The following SIAE variants were observed in gnomAD, a reference collection of about 807,000 sequenced individuals.
SIAE encodes sialate O-acetylesterase.
Under a neutral mutation model 52.6 loss-of-function variants are expected in SIAE, and 39 were observed. The observed-to-expected ratio is 0.74, with a 90% confidence interval of 0.57 to 0.97. SIAE has a LOEUF of 0.97. SIAE is among the 50% of genes least tolerant of loss of function. SIAE has a pLI of 0.00. For synonymous variants in SIAE, 233 were observed against 241.4 expected, an observed-to-expected ratio of 0.97 and a Z score of 0.32; for missense variants, 592 against 662.1, an observed-to-expected ratio of 0.89 and a Z score of 1.16.
intron 2 of SIAE, among the ~76,000 whole-genome samples, chr11:124,667,837 T>A (rs1943294554): frequency 6.6e-6 from 1 of 152,144 alleles, no homozygotes. Flanking sequence ...GACTCACTCC[T>A]TTGTAATATC....
At chr11:124,637,826 TAGC>T (rs1307707744) in intron 9 of SIAE, among the ~76,000 whole-genome samples, 3 of 152,172 alleles carry the variant, frequency 2.0e-5, no homozygotes, top group East Asian at 1.9e-4. Context: ...ACTTCAGAAA[TAGC>T]AGCCCTAGAC....
intron 1 of SIAE, among the ~76,000 whole-genome samples, chr11:124,672,729 T>C (rs1333772232): frequency 2.6e-5 from 4 of 152,172 alleles, no homozygotes; most frequent in South Asian, 2.1e-4. Flanking sequence ...TTTTGCACTT[T>C]TGTTAGACTC....
rs1281640335 is a variant in SIAE at position 124,636,803 on chromosome 11, A to C, written c.*148T>G. Reference sequence around the variant, plus strand: ...TACCTATAAGCCTGGGCTCATCAGAATATAGAAACAGCCATGTGCTAGCTG... The same window carrying C: ...TACCTATAAGCCTGGGCTCATCAGACTATAGAAACAGCCATGTGCTAGCTG... On this transcript the variant is annotated 3_prime_UTR_variant, in exon 10 of 10. Coordinates refer to ENST00000263593, the MANE Select transcript of SIAE (RefSeq NM_170601.5). 30 of 1,151,564 alleles carry C rather than the reference A, an allele frequency of 2.6e-5. No individual in the cohort carries two copies. Among genetic ancestry groups the C allele is most frequent in the Non-Finnish European group, 3.6e-5 (28 of 779,546 alleles). The allele number at this position is 1,151,564 out of a possible 1,614,324, so 71.3% of individuals were successfully genotyped here.
chr11:124,649,683 C>T lies in SIAE; in HGVS notation c.658G>A (p.Gly220Arg), dbSNP rs376617224. ...PIGLIASSWG[G>R]TPIEAWSSGR... The stretch of plus-strand genomic sequence containing the variant: ...GATGACCAGGCTTCAATGGGTGTCC[C>T]GCCCCAGCTGGAGGCGATCAGCCCG... Residue 220 changes from glycine to arginine, a missense_variant, in exon 5 of 10, where the codon GGG becomes AGG. By Grantham distance (125) the Gly-to-Arg change is moderately radical. Transcript: ENST00000263593. 1.5e-5 allele frequency: 24 copies of T among 1,614,038 alleles called. No homozygotes were observed. Among genetic ancestry groups the T allele is most frequent in the South Asian group, 1.2e-4 (11 of 91,082 alleles).
chr11:124,656,529 T>C (rs189573717), intron 3 of SIAE, among the ~76,000 whole-genome samples: 3 of 152,168 alleles, frequency 2.0e-5, no homozygotes, highest in Admixed American at 2.0e-4. Flanking sequence ...ATGAGAGGAG[T>C]GGCTTAGGGT....
chr11:124,664,415 T>G (rs1379911100), intron 2 of SIAE, among the ~76,000 whole-genome samples: 1 of 152,070 alleles, frequency 6.6e-6, no homozygotes, highest in African/African-American at 2.4e-5. Context: ...TTTTGTATTT[T>G]AGTAGAGACG....
At position 124,635,514 on chromosome 11, in the gene SIAE, A is replaced by AAAG. The variant is rs1438348164; in HGVS notation, c.*1434_*1436dup. ...TATAAATTTCATTTTCACACAGTAA[A>AAAG]AAGTTCCTAAATTGGGGGAAACATA... On this transcript the variant is annotated 3_prime_UTR_variant, in exon 10 of 10. Transcript: ENST00000263593. 2 of 152,224 alleles carry AAAG rather than the reference A, an allele frequency of 1.3e-5. No homozygotes were observed. The highest frequency in any genetic ancestry group is 3.8e-4 in the East Asian group (2 of 5,204). The allele number at this position is 152,224 out of a possible 1,614,324, so 9.4% of individuals were successfully genotyped here. A position where few individuals can be genotyped will look rare whatever the true frequency, so the allele number is the denominator to read the frequency against.
chr11:124,673,710 C>G lies in SIAE; in HGVS notation c.-2G>C, dbSNP rs1163470149. 1.9e-6 allele frequency: 3 copies of G among 1,613,516 alleles called. No individual in the cohort carries two copies. The highest frequency in any genetic ancestry group is 2.5e-6 in the Non-Finnish European group (3 of 1,179,762). On this transcript the variant is annotated 5_prime_UTR_variant, in exon 1 of 10. Coordinates refer to ENST00000263593, the MANE Select transcript of SIAE (RefSeq NM_170601.5). ...GAGTACAAGCCCCGGCGCGACCATG[C>G]TTGCAAGGATCTGACCGCCGCCTAG...
chr11:124,656,168 T>G (rs1943095737), intron 3 of SIAE, among the ~76,000 whole-genome samples: 1 of 152,214 alleles, frequency 6.6e-6, no homozygotes, highest in South Asian at 2.1e-4. Context: ...TCTGAAACAC[T>G]TCCAATCTCA....
chr11:124,648,325 A>C, intron 5 of SIAE, 150 bp from the exon 6 acceptor site: 1 of 677,792 alleles, frequency 1.5e-6, no homozygotes, highest in Non-Finnish European at 2.7e-6. Flanking sequence ...TTTTTCTTGA[A>C]AACATATGAA....
At position 124,635,260 on chromosome 11, in the gene SIAE, T is replaced by C. The variant is rs1361544100; in HGVS notation, c.*1691A>G. On this transcript the variant is annotated 3_prime_UTR_variant, in exon 10 of 10. Coordinates refer to ENST00000263593, the MANE Select transcript of SIAE (RefSeq NM_170601.5). ...CATGGTTTCTATGGGGCCAGATGCA[T>C]GAGAGGTCAAAGCATGGGCAATAGG... 1 of 152,216 alleles carries C rather than the reference T, an allele frequency of 6.6e-6. No individual in the cohort carries two copies. Among genetic ancestry groups the C allele is most frequent in the Admixed American group, 6.5e-5 (1 of 15,286 alleles). The allele number at this position is 152,216 out of a possible 1,614,324, so 9.4% of individuals were successfully genotyped here. A position where few individuals can be genotyped will look rare whatever the true frequency, so the allele number is the denominator to read the frequency against.
chr11:124,655,982 C>T, intron 3 of SIAE, among the ~76,000 whole-genome samples: 1 of 140,838 alleles, frequency 7.1e-6, no homozygotes, highest in South Asian at 2.1e-4. Flanking sequence ...ATACTTCAGA[C>T]AAATTTTGTT....
At chr11:124,644,133 T>C (rs1382925301) in intron 7 of SIAE, among the ~76,000 whole-genome samples, 2 of 152,140 alleles carry the variant, frequency 1.3e-5, no homozygotes, top group East Asian at 1.9e-4. Context: ...AATTCTCTTA[T>C]TAAAATTATC....
At chr11:124,664,192 C>T (rs1161282205) in intron 2 of SIAE, among the ~76,000 whole-genome samples, 2 of 151,870 alleles carry the variant, frequency 1.3e-5, no homozygotes, top group African/African-American at 4.8e-5. Flanking sequence ...TTGACTAGGG[C>T]TTTATGTTCT....
intron 7 of SIAE, among the ~76,000 whole-genome samples, chr11:124,640,361 A>G (rs1302510751): frequency 1.3e-5 from 2 of 152,196 alleles, no homozygotes; most frequent in Non-Finnish European, 2.9e-5. Flanking sequence ...GGCCAGTCAT[A>G]TGGATTTCTA....
chr11:124,657,859 G>C (rs1391955352), intron 3 of SIAE, among the ~76,000 whole-genome samples: 1 of 152,200 alleles, frequency 6.6e-6, no homozygotes, highest in East Asian at 1.9e-4. Context: ...GGAATAAAGA[G>C]ATTGCAGGAA....
At chr11:124,652,850 C>T (rs1265549788) in intron 4 of SIAE, among the ~76,000 whole-genome samples, 1 of 152,084 alleles carries the variant, frequency 6.6e-6, no homozygotes, top group Non-Finnish European at 1.5e-5. Context: ...AGCACGAACA[C>T]TTCCTATTGC....
upstream of SIAE, chr11:124,675,226 A>G (rs778413234): frequency 7.8e-5 from 125 of 1,593,282 alleles, no homozygotes; most frequent in Non-Finnish European, 1.0e-4. Flanking sequence ...GTACTCTTTA[A>G]TGAATCTTTA....
chr11:124,647,520 A>G, intron 6 of SIAE, 22 bp from the exon 7 acceptor site: 1 of 1,613,892 alleles, frequency 6.2e-7, no homozygotes, highest in Non-Finnish European at 8.5e-7. Context: ...CCAAATTGTA[A>G]AGGGAGTTTG....
Sources: allele counts gnomAD v4.1 joint callset (sites outside exome capture counted in the v4.1 genomes callset), GRCh38; gene constraint gnomAD v4.1.1; transcripts MANE v1.5; gene names NCBI Gene and HGNC (gene_info 2026-07-23, HGNC 2026-07-21).